Variants in KIF16B observed in about 807,000 individuals in gnomAD.
KIF16B encodes the protein kinesin-like protein KIF16B.
A neutral mutation model predicts 156.3 loss-of-function variants in KIF16B; 98 were observed. The ratio of observed to expected loss-of-function variants is 0.63; its 90% CI spans 0.53 to 0.74. The LOEUF is 0.74. KIF16B is among the 30% of genes least tolerant of loss of function. The pLI is 0.00. For synonymous variants in KIF16B, 564 were observed against 583.7 expected, an observed-to-expected ratio of 0.97 and a Z score of 0.49; for missense variants, 1,421 against 1,606.5, an observed-to-expected ratio of 0.88 and a Z score of 1.97.
intron 23 of KIF16B, among the ~76,000 whole-genome samples, chr20:16,343,987 G>A (rs370721791): frequency 6.6e-6 from 1 of 152,010 alleles, no homozygotes; most frequent in East Asian, 1.9e-4. Context: ...CTTTTCCAGC[G>A]ATAACTATGT....
At chr20:16,494,393 G>C in intron 11 of KIF16B, 43 bp from the exon 12 acceptor site, 1 of 1,299,984 alleles carries the variant, frequency 7.7e-7, no homozygotes, top group Non-Finnish European at 1.1e-6. Context: ...CATAAAGAAA[G>C]TTTATAATTT....
At chr20:16,425,832 T>TGAGA (rs2066337175) in intron 15 of KIF16B, among the ~76,000 whole-genome samples, 2 of 152,150 alleles carry the variant, frequency 1.3e-5, no homozygotes, top group African/African-American at 4.8e-5. Context: ...AAAGAATACC[T>TGAGA]GAGACTATGT....
At chr20:16,486,549 C>A (rs2068121024) in intron 12 of KIF16B, among the ~76,000 whole-genome samples, 1 of 151,938 alleles carries the variant, frequency 6.6e-6, no homozygotes, top group Non-Finnish European at 1.5e-5. Flanking sequence ...ACAGGCATGA[C>A]CTACACATGG....
intron 1 of KIF16B, among the ~76,000 whole-genome samples, chr20:16,568,879 CTGACTT>C (rs1306911748): frequency 7.8e-6 from 1 of 128,528 alleles, no homozygotes; most frequent in African/African-American, 2.9e-5. Flanking sequence ...TCTTAAGAAA[CTGACTT>C]TGACTTTGAG....
intron 23 of KIF16B, among the ~76,000 whole-genome samples, chr20:16,349,383 G>A (rs1415326397): frequency 6.6e-6 from 1 of 152,194 alleles, no homozygotes; most frequent in African/African-American, 2.4e-5. Context: ...AGGCCACCAT[G>A]TCATCAAGGT....
intron 12 of KIF16B, among the ~76,000 whole-genome samples, chr20:16,474,013 C>T (rs1049497205): frequency 2.0e-5 from 3 of 152,174 alleles, no homozygotes; most frequent in South Asian, 4.1e-4. Context: ...TTCCTCCCTC[C>T]CTGCTGCTCC....
At chr20:16,486,049 T>C (rs1004447079) in intron 12 of KIF16B, among the ~76,000 whole-genome samples, 1 of 152,192 alleles carries the variant, frequency 6.6e-6, no homozygotes, top group Non-Finnish European at 1.5e-5. Context: ...CTGATATTGC[T>C]TTATCAACAA....
At chr20:16,480,813 T>A (rs1205710621) in intron 12 of KIF16B, among the ~76,000 whole-genome samples, 1 of 151,946 alleles carries the variant, frequency 6.6e-6, no homozygotes, top group Non-Finnish European at 1.5e-5. Flanking sequence ...CAAATAGTTT[T>A]TTTTTAATTC....
intron 12 of KIF16B, among the ~76,000 whole-genome samples, chr20:16,457,274 T>C (rs547434714): frequency 1.1e-4 from 17 of 152,250 alleles, no homozygotes; most frequent in African/African-American, 3.4e-4. Flanking sequence ...TATTTCCAAA[T>C]AAGATCTGTG....
chr20:16,396,490 A>G (rs2065504646), intron 17 of KIF16B, among the ~76,000 whole-genome samples: 1 of 151,968 alleles, frequency 6.6e-6, no homozygotes. Context: ...ATCTTGGTAA[A>G]AGATATAAAA....
At chr20:16,533,362 C>A (rs549069745) in intron 1 of KIF16B, among the ~76,000 whole-genome samples, 2 of 152,142 alleles carry the variant, frequency 1.3e-5, no homozygotes, top group Non-Finnish European at 2.9e-5. Flanking sequence ...TCAGTCCCCA[C>A]CTAAAACCTA....
At position 16,274,236 on chromosome 20, in the gene KIF16B, T is replaced by C. The variant is rs149449103; in HGVS notation, c.3796-825A>G. Among the ~76,000 whole-genome samples, 108 of 152,272 alleles carry C rather than the reference T, an allele frequency of 7.1e-4. 2 individuals are homozygous for C. The East Asian group carries it at 0.021, about 29-fold the overall frequency. Reference sequence around the variant, plus strand: ...CAAGAGGGTCAGTTCCAAGTACTGATATTTACAGATCTTTTTGCATGTCCT... The same window carrying C: ...CAAGAGGGTCAGTTCCAAGTACTGACATTTACAGATCTTTTTGCATGTCCT... On this transcript the variant is annotated intron_variant, in intron 25 of 25. Coordinates refer to ENST00000354981, the MANE Select transcript of KIF16B (RefSeq NM_024704.5).
chr20:16,327,872 G>T (rs966526526), intron 24 of KIF16B, among the ~76,000 whole-genome samples: 1 of 152,046 alleles, frequency 6.6e-6, no homozygotes, highest in Admixed American at 6.6e-5. Context: ...TTTATCTAAG[G>T]CTTACTGGGT....
chr20:16,384,536 G>C (rs1014701168), intron 17 of KIF16B, among the ~76,000 whole-genome samples: 3 of 152,196 alleles, frequency 2.0e-5, no homozygotes, highest in Non-Finnish European at 4.4e-5. Context: ...TGGATGTTAT[G>C]TTAATGACTC....
intron 3 of KIF16B, 21 bp downstream of exon 3, chr20:16,526,071 T>C: frequency 3.8e-6 from 5 of 1,324,252 alleles, no homozygotes; most frequent in Non-Finnish European, 5.3e-6. Context: ...TCAACATAAA[T>C]ATTTTGAAAA....
At chr20:16,418,895 G>A (rs2066156997) in intron 15 of KIF16B, among the ~76,000 whole-genome samples, 3 of 152,158 alleles carry the variant, frequency 2.0e-5, no homozygotes, top group Non-Finnish European at 4.4e-5. Context: ...CTTCCAGCTG[G>A]AGGCTACACT....
chr20:16,411,393 T>C (rs983012482), intron 15 of KIF16B, among the ~76,000 whole-genome samples: 1 of 152,148 alleles, frequency 6.6e-6, no homozygotes, highest in Non-Finnish European at 1.5e-5. Context: ...ACTTCAACAC[T>C]ATACTCTTCT....
intron 12 of KIF16B, among the ~76,000 whole-genome samples, chr20:16,481,151 CTG>C (rs2067972906): frequency 6.6e-6 from 1 of 152,158 alleles, no homozygotes; most frequent in Non-Finnish European, 1.5e-5. Context: ...GCTGAGAAAA[CTG>C]TCTTTTTAAA....
intron 12 of KIF16B, among the ~76,000 whole-genome samples, chr20:16,440,482 C>T (rs2066761160): frequency 6.7e-6 from 1 of 149,838 alleles, no homozygotes; most frequent in Admixed American, 6.7e-5. Flanking sequence ...TTTTCCATGA[C>T]TTTAAAACAA....
Sources: gnomAD v4.1 joint callset for allele counts (sites outside exome capture counted in the v4.1 genomes callset) on GRCh38, gnomAD v4.1.1 for gene constraint, MANE v1.5 for transcripts, NCBI Gene and HGNC (gene_info 2026-07-23, HGNC 2026-07-21) for gene names.